CNGB1: variants seen among roughly 807,000 people sequenced by gnomAD.
CNGB1 encodes cyclic nucleotide gated channel subunit beta 1, also known as cyclic nucleotide-gated channel beta-1.
In CNGB1, 126 loss-of-function variants were observed where a neutral mutation model predicts 151.7. The observed-to-expected ratio is 0.83, with a 90% CI of 0.72 to 0.96. CNGB1 has a LOEUF of 0.96. CNGB1 is among the 40% of genes least tolerant of loss of function. The pLI, the probability that CNGB1 is intolerant of heterozygous loss-of-function variation, is 0.00. For missense variants in CNGB1, 1,698 were observed against 1,627.0 expected, an observed-to-expected ratio of 1.04 and a Z score of -0.75; for synonymous variants, 623 against 635.1, an observed-to-expected ratio of 0.98 and a Z score of 0.29.
chr16:57,960,621 C>A (rs773110413), intron 8 of CNGB1, 91 bp from the exon 9 acceptor site: 6 of 1,523,590 alleles, frequency 3.9e-6, no homozygotes, highest in Admixed American at 1.9e-5. Flanking sequence ...TGGCCCAAGG[C>A]GGGTGAGCCG....
intron 25 of CNGB1, among the ~76,000 whole-genome samples, chr16:57,906,149 T>C (rs1187193944): frequency 6.6e-6 from 1 of 152,230 alleles, no homozygotes; most frequent in Admixed American, 6.5e-5. Flanking sequence ...CCAGGCTGGC[T>C]GGGCTCAGCC....
At chr16:57,957,225 CT>C in intron 12 of CNGB1, 115 bp downstream of exon 12, 1 of 927,862 alleles carries the variant, frequency 1.1e-6, no homozygotes, top group Non-Finnish European at 1.8e-6. Flanking sequence ...AACTGCCCCC[CT>C]GTGTGAGTCC....
Position 57,917,392 on chromosome 16 carries a change from G to C in CNGB1, c.2042C>G (p.Pro681Arg), listed in dbSNP as rs758706365. Reference sequence around the variant, plus strand: ...GTGGATGTTGTCCGGGGTCTGGTAGGGGAAGGCCCAGCGCACGGGAATCAG... The same window carrying C: ...GTGGATGTTGTCCGGGGTCTGGTAGCGGAAGGCCCAGCGCACGGGAATCAG... ...CWLIPVRWAF[P>R]YQTPDNIHHW... Residue 681 changes from proline to arginine, a missense_variant, in exon 21 of 33, where the codon CCC (proline) becomes CGC (arginine). Transcript: ENST00000251102. 7 of 1,613,968 alleles carry C rather than the reference G, an allele frequency of 4.3e-6. No individual in the cohort carries two copies. In the East Asian group the frequency reaches 1.1e-4, roughly 26 times the overall value.
intron 17 of CNGB1, among the ~76,000 whole-genome samples, chr16:57,928,288 A>G (rs902412310): frequency 6.6e-6 from 1 of 152,232 alleles, no homozygotes; most frequent in Non-Finnish European, 1.5e-5. Flanking sequence ...ACTCTTGAGA[A>G]AGGAGCCTAA....
intron 20 of CNGB1, among the ~76,000 whole-genome samples, 175 bp from the exon 21 acceptor site, chr16:57,917,651 TAC>T (rs1238747509): frequency 1.4e-5 from 2 of 143,780 alleles, no homozygotes; most frequent in Admixed American, 6.8e-5. Context: ...CACACACACA[TAC>T]ACACACACAC....
intron 29 of CNGB1, among the ~76,000 whole-genome samples, 174 bp downstream of exon 29, chr16:57,901,178 C>A (rs758243960): frequency 1.3e-5 from 2 of 152,168 alleles, no homozygotes; most frequent in Non-Finnish European, 2.9e-5. Flanking sequence ...CCTCCTAATC[C>A]GCTCCTGCTC....
chr16:57,904,985 A>T (rs1258910147), intron 25 of CNGB1, 110 bp from the exon 26 acceptor site: 16 of 1,385,574 alleles, frequency 1.2e-5, no homozygotes, highest in Non-Finnish European at 1.5e-5. Context: ...AAAGACAGAA[A>T]CCCTTTACAG....
chr16:57,905,734 G>A (rs932250466), intron 25 of CNGB1, among the ~76,000 whole-genome samples: 1 of 152,224 alleles, frequency 6.6e-6, no homozygotes, highest in Non-Finnish European at 1.5e-5. Context: ...ACTTCCTTTG[G>A]CCCTTCTGCC....
At position 57,967,133 on chromosome 16, in the gene CNGB1, ACTCGGACTC is replaced by A; in HGVS notation, c.145_153del (p.Glu49_Glu51del). 1 of 1,613,906 alleles carries A rather than the reference ACTCGGACTC, an allele frequency of 6.2e-7. No individual in the cohort carries two copies. The highest frequency in any genetic ancestry group is 8.5e-7 in the Non-Finnish European group (1 of 1,179,978). On this transcript the variant is annotated inframe_deletion, in exon 2 of 33. Transcript: ENST00000251102. ...CCTCCCGCTCTACCTCTCACCATGG[ACTCGGACTC>A]TGTCTCGGCCTCCTCAGGATTCGGT...
At chr16:57,938,477 A>G (rs1961571307) in intron 16 of CNGB1, among the ~76,000 whole-genome samples, 1 of 152,070 alleles carries the variant, frequency 6.6e-6, no homozygotes, top group South Asian at 2.1e-4. Flanking sequence ...GGTGCCTTGG[A>G]CACATTGTCT....
At chr16:57,935,401 C>T (rs899708480) in intron 16 of CNGB1, among the ~76,000 whole-genome samples, 10 of 152,008 alleles carry the variant, frequency 6.6e-5, no homozygotes, top group African/African-American at 9.7e-5. Context: ...GAATTGAGGC[C>T]GGGCACAGTG....
Position 57,904,106 on chromosome 16 carries a change from AG to A in CNGB1, c.2635-126del, listed in dbSNP as rs373363042. 1.4e-5 allele frequency: 11 copies of A among 783,994 alleles called. No individual in the cohort carries two copies. The East Asian group carries it at 1.6e-4, about 11-fold the overall frequency. 48.6% of individuals were successfully genotyped at this position (783,994 alleles called of 1,614,324 possible). A position where few individuals can be genotyped will look rare whatever the true frequency, so the allele number is the denominator to read the frequency against. Reference sequence around the variant, plus strand: ...CATGTGCTCCTGGCAGGGCGTTGGGAGGGGGGTAGGCAGATGTCCTCACACA... The same window carrying A: ...CATGTGCTCCTGGCAGGGCGTTGGGAGGGGGTAGGCAGATGTCCTCACACA... On this transcript the variant is annotated intron_variant, in intron 26 of 32. Coordinates refer to ENST00000251102, the MANE Select transcript of CNGB1 (RefSeq NM_001297.5).
At chr16:57,915,216 G>A (rs1211968582) in intron 23 of CNGB1, 33 bp downstream of exon 23, 1 of 1,573,850 alleles carries the variant, frequency 6.4e-7, no homozygotes, top group Admixed American at 1.7e-5. Flanking sequence ...GGGATGAGCT[G>A]AAGGCCTGGG....
intron 17 of CNGB1, among the ~76,000 whole-genome samples, chr16:57,929,578 G>A (rs893306582): frequency 1.2e-4 from 19 of 152,124 alleles, no homozygotes; most frequent in Non-Finnish European, 2.2e-4. Flanking sequence ...GAGGCCTCAG[G>A]AAACAAACAA....
Position 57,917,225 on chromosome 16 carries a change from G to A in CNGB1, c.2166+43C>T, listed in dbSNP as rs373232725. The A allele has an allele frequency of 3.0e-5, 47 of 1,548,386 alleles. No individual in the cohort carries two copies. In the African/African-American group the frequency reaches 3.1e-4, roughly 10 times the overall value. On this transcript the variant is annotated intron_variant, in intron 21 of 32. Transcript: ENST00000251102. ...AGTGCCCTGGAGGCTCTGGCTGAGC[G>A]GTCTGCCCCCGGTCACCCCAACACC...
intron 14 of CNGB1, among the ~76,000 whole-genome samples, chr16:57,947,250 A>G (rs887141303): frequency 2.6e-5 from 4 of 152,216 alleles, no homozygotes; most frequent in Admixed American, 2.0e-4. Flanking sequence ...AGCATAGTTG[A>G]TCACTGGCCT....
At chr16:57,954,608 C>T in intron 12 of CNGB1, 1 of 905,116 alleles carries the variant, frequency 1.1e-6, no homozygotes, top group Non-Finnish European at 1.3e-6. Flanking sequence ...ATTCAGTCCA[C>T]CCACTTTTAA....
chr16:57,939,202 G>C (rs910326641), intron 16 of CNGB1, among the ~76,000 whole-genome samples: 1 of 152,130 alleles, frequency 6.6e-6, no homozygotes, highest in Non-Finnish European at 1.5e-5. Context: ...GGAGTCCTGG[G>C]CCTCAGTGAA....
At chr16:57,953,969 G>A (rs1231413220) in intron 12 of CNGB1, among the ~76,000 whole-genome samples, 1 of 152,024 alleles carries the variant, frequency 6.6e-6, no homozygotes, top group Non-Finnish European at 1.5e-5. Flanking sequence ...ATTTTTCATA[G>A]TTGGCCCCAG....
Sources: allele counts gnomAD v4.1 joint callset (sites outside exome capture counted in the v4.1 genomes callset), GRCh38; gene constraint gnomAD v4.1.1; transcripts MANE v1.5; gene names NCBI Gene and HGNC (gene_info 2026-07-23, HGNC 2026-07-21).